The following ATXN7L1 variants were observed in gnomAD, a reference collection of about 807,000 sequenced individuals.
ATXN7L1 encodes ataxin 7 like 1, also known as ataxin-7-like protein 1.
ATXN7L1 carries 15 observed loss-of-function variants against 70.8 expected under a neutral mutation model. The observed-to-expected ratio is 0.21, with a 90% CI of 0.14 to 0.33. The LOEUF is 0.33. Among genes scored for constraint, ATXN7L1 ranks in the 10% least tolerant of loss-of-function variants. The pLI is 1.00. For missense variants in ATXN7L1, 975 were observed against 1,097.1 expected (o/e 0.89, Z 1.57); for synonymous variants, 440 against 445.1 (o/e 0.99, Z 0.14).
In ATXN7L1 at chr7:105,722,560, T is replaced by TA. The variant is rs56228890; in HGVS notation, c.356-57273dup. ...TGGGCAACAGAGTGAGACTCTGCCT[T>TA]AAAAAAAAAAAAAAAAAAAAAAAAA... On this transcript the variant is annotated intron_variant, in intron 3 of 11. Coordinates refer to ENST00000419735, the MANE Select transcript of ATXN7L1 (RefSeq NM_020725.2). Among the ~76,000 whole-genome samples, 60 of 20,844 alleles carry TA rather than the reference T, an allele frequency of 2.9e-3. 16 individuals are homozygous for TA. Among genetic ancestry groups the TA allele is most frequent in the Admixed American group, 4.6e-3 (5 of 1,084 alleles). The allele number at this position is 20,844 out of a possible 152,430, so 13.7% of individuals were successfully genotyped here. A position where few individuals can be genotyped will look rare whatever the true frequency, so the allele number is the denominator to read the frequency against.
intron 3 of ATXN7L1, among the ~76,000 whole-genome samples, chr7:105,729,557 G>A (rs1405791294): frequency 1.3e-5 from 2 of 150,676 alleles, no homozygotes; most frequent in Non-Finnish European, 3.0e-5. Flanking sequence ...AGCCTCCCAC[G>A]TAGTTAGGAT....
intron 10 of ATXN7L1, 186 bp downstream of exon 10, chr7:105,613,676 G>A (rs749407281): frequency 1.4e-6 from 2 of 1,454,590 alleles, no homozygotes; most frequent in Non-Finnish European, 9.0e-7. Flanking sequence ...AGCACATAGT[G>A]AGCGTGGTAT....
intron 3 of ATXN7L1, among the ~76,000 whole-genome samples, chr7:105,736,779 G>A (rs895038127): frequency 6.6e-6 from 1 of 152,234 alleles, no homozygotes; most frequent in Non-Finnish European, 1.5e-5. Flanking sequence ...GTGGGGGCTG[G>A]TGCTGCCCAG....
intron 3 of ATXN7L1, among the ~76,000 whole-genome samples, chr7:105,762,001 T>C (rs920576371): frequency 1.3e-5 from 2 of 152,200 alleles, no homozygotes; most frequent in African/African-American, 4.8e-5. Flanking sequence ...CCAAGGGCTC[T>C]GCATTCTCAA....
chr7:105,757,202 GA>G (rs912752112), intron 3 of ATXN7L1, among the ~76,000 whole-genome samples: 6 of 145,674 alleles, frequency 4.1e-5, no homozygotes, highest in South Asian at 2.3e-4. Context: ...TTGTATTTTT[GA>G]AAAAAAAAAT....
intron 3 of ATXN7L1, among the ~76,000 whole-genome samples, chr7:105,693,625 GT>G (rs1791331511): frequency 1.3e-5 from 2 of 151,992 alleles, no homozygotes; most frequent in Non-Finnish European, 2.9e-5. Context: ...CACTCCACAG[GT>G]TTTGGGGAAA....
intron 7 of ATXN7L1, among the ~76,000 whole-genome samples, chr7:105,634,262 G>A (rs913543464): frequency 5.9e-5 from 9 of 152,306 alleles, no homozygotes; most frequent in African/African-American, 1.2e-4. Flanking sequence ...CTGGTCTAAC[G>A]TCAAAGCATA....
chr7:105,819,543 C>T (rs1235305960), intron 2 of ATXN7L1: 4 of 1,392,086 alleles, frequency 2.9e-6, no homozygotes, highest in South Asian at 1.2e-5. Flanking sequence ...TCTCCTGGGC[C>T]GCCTGGCGGC....
intron 2 of ATXN7L1, among the ~76,000 whole-genome samples, chr7:105,827,928 A>C (rs1711964277): frequency 6.6e-6 from 1 of 152,214 alleles, no homozygotes; most frequent in South Asian, 2.1e-4. Flanking sequence ...AATTTGGATA[A>C]AGTGCATAAT....
At chr7:105,743,413 G>T (rs1798231893) in intron 3 of ATXN7L1, among the ~76,000 whole-genome samples, 1 of 152,100 alleles carries the variant, frequency 6.6e-6, no homozygotes, top group African/African-American at 2.4e-5. Context: ...GAGGCTGCCG[G>T]CTGGCTCACT....
At chr7:105,864,168 G>T (rs142767623) in intron 2 of ATXN7L1, among the ~76,000 whole-genome samples, 1 of 152,192 alleles carries the variant, frequency 6.6e-6, no homozygotes, top group Non-Finnish European at 1.5e-5. Flanking sequence ...TAAAATGCAC[G>T]TTCCTGGTCA....
intron 3 of ATXN7L1, among the ~76,000 whole-genome samples, chr7:105,735,598 A>G (rs1797287634): frequency 6.6e-6 from 1 of 152,196 alleles, no homozygotes; most frequent in Admixed American, 6.5e-5. Context: ...AACACCACAT[A>G]GGCCTACTAC....
intron 2 of ATXN7L1, among the ~76,000 whole-genome samples, chr7:105,837,988 C>T (rs2116603254): frequency 6.6e-6 from 1 of 152,318 alleles, no homozygotes; most frequent in African/African-American, 2.4e-5. Flanking sequence ...TGAACCAAGT[C>T]TTCTCCCTCG....
chr7:105,678,333 C>T (rs1197607755), intron 3 of ATXN7L1, among the ~76,000 whole-genome samples: 1 of 152,092 alleles, frequency 6.6e-6, no homozygotes, highest in African/African-American at 2.4e-5. Context: ...AGTGGGTGTG[C>T]TTTTTCCCCT....
intron 2 of ATXN7L1, among the ~76,000 whole-genome samples, chr7:105,802,327 G>A (rs751403298): frequency 2.6e-5 from 4 of 152,102 alleles, no homozygotes; most frequent in Non-Finnish European, 5.9e-5. Flanking sequence ...TCATCTCTGG[G>A]TTCAGAGGTA....
At chr7:105,672,968 GCTGA>G (rs139067896) in intron 3 of ATXN7L1, among the ~76,000 whole-genome samples, 1,658 of 152,310 alleles carry the variant, frequency 0.011, 39 homozygotes, top group African/African-American at 0.037. Flanking sequence ...GGCCTCAGCA[GCTGA>G]CTGTTTCAAG....
intron 2 of ATXN7L1, among the ~76,000 whole-genome samples, chr7:105,801,713 G>C (rs1264096854): frequency 6.6e-6 from 1 of 152,168 alleles, no homozygotes; most frequent in Non-Finnish European, 1.5e-5. Flanking sequence ...CATGAGCTCA[G>C]TGGTGTGCTG....
At chr7:105,730,694 T>C (rs1055587604) in intron 3 of ATXN7L1, among the ~76,000 whole-genome samples, 7 of 150,274 alleles carry the variant, frequency 4.7e-5, no homozygotes, top group Admixed American at 1.3e-4. Flanking sequence ...ATCACACCAG[T>C]GCACTCCAGC....
At chr7:105,727,159 A>G (rs1795908340) in intron 3 of ATXN7L1, among the ~76,000 whole-genome samples, 1 of 152,180 alleles carries the variant, frequency 6.6e-6, no homozygotes, top group African/African-American at 2.4e-5. Flanking sequence ...TGAAATGTGT[A>G]TATGACCCAG....
Sources: gnomAD v4.1 joint callset for allele counts (sites outside exome capture counted in the v4.1 genomes callset) on GRCh38, gnomAD v4.1.1 for gene constraint, MANE v1.5 for transcripts, NCBI Gene and HGNC (gene_info 2026-07-23, HGNC 2026-07-21) for gene names.